Variants in CFAP99 observed in about 807,000 individuals in gnomAD.
The protein encoded by CFAP99 is cilia- and flagella-associated protein 99.
In CFAP99, 84 loss-of-function variants were observed where a neutral mutation model predicts 82.7. That is an observed-to-expected ratio of 1.02 (90% CI 0.85 to 1.22). CFAP99 has a LOEUF of 1.22. Among genes scored for constraint, CFAP99 ranks in the 50% most tolerant of loss-of-function variants. The pLI is 0.00. For missense variants in CFAP99, 1,059 were observed against 983.5 expected (o/e 1.08, Z -1.03); for synonymous variants, 456 against 429.5 (o/e 1.06, Z -0.76).
Position 2,448,026 on chromosome 4 carries a change from T to G in CFAP99, c.643-1644T>G, listed in dbSNP as rs1390880894. Among the ~76,000 whole-genome samples, 1 of 151,118 alleles carries G rather than the reference T, an allele frequency of 6.6e-6. No individual in the cohort carries two copies. Among genetic ancestry groups the G allele is most frequent in the Non-Finnish European group, 1.5e-5 (1 of 67,804 alleles). On this transcript the variant is annotated intron_variant, in intron 6 of 14. Coordinates refer to ENST00000635017, the Ensembl canonical transcript of CFAP99. This position sits in a 1 kb window ranked among gnomAD's most constrained non-coding sequence, Gnocchi z 5.2. ...ATGGATGGATAAGTGGATGAATGGA[T>G]GGATGGATGGATGGATGATCAGAGG...
intron 11 of CFAP99, among the ~76,000 whole-genome samples, chr4:2,455,239 T>C (rs1350477061): frequency 1.3e-5 from 2 of 152,280 alleles, no homozygotes; most frequent in Non-Finnish European, 2.9e-5. Flanking sequence ...TCCTTTATAA[T>C]AGATTGTTGC....
In CFAP99 at chr4:2,459,745, C is replaced by T. The variant is rs553301900; in HGVS notation, c.1456-292C>T. On this transcript the variant is annotated intron_variant, in intron 13 of 14. Coordinates refer to ENST00000635017, the Ensembl canonical transcript of CFAP99. The stretch of plus-strand genomic sequence containing the variant: ...GCCCCGAGGCCATGGGGAGTGCAAA[C>T]GGCTGTCTGCCCCAGGCCCCGAAGC... 7.9e-5 allele frequency among the ~76,000 whole-genome samples: 12 copies of T among 152,292 alleles called. 1 individual carries two copies. The highest frequency in any genetic ancestry group is 3.9e-4 in the Admixed American group (6 of 15,310).
exon 13 of CFAP99, chr4:2,459,168 G>A (rs1472514021): frequency 2.6e-6 from 4 of 1,535,584 alleles, no homozygotes; most frequent in Non-Finnish European, 3.5e-6. Context: ...CAGCCCAGGA[G>A]GAGCAGCGGC....
intron 14 of CFAP99, among the ~76,000 whole-genome samples, chr4:2,461,908 C>T (rs779495984): frequency 1.1e-4 from 16 of 151,804 alleles, no homozygotes; most frequent in East Asian, 1.9e-4. Context: ...CAGAAGAGTG[C>T]GAGGTCAAAG....
intron 6 of CFAP99, among the ~76,000 whole-genome samples, chr4:2,445,611 C>T (rs1441851543): frequency 6.6e-6 from 1 of 152,154 alleles, no homozygotes; most frequent in Non-Finnish European, 1.5e-5. Flanking sequence ...GCTTGGAGCC[C>T]ACTTTTAACT....
chr4:2,445,355 T>G (rs1578475444), intron 6 of CFAP99, 47 bp downstream of exon 6: 1 of 1,280,482 alleles, frequency 7.8e-7, no homozygotes, highest in Non-Finnish European at 9.9e-7. Flanking sequence ...GGCATCAGGG[T>G]AGCCAAGCTG....
chr4:2,462,938 C>A lies in CFAP99; in HGVS notation c.*12C>A. On this transcript the variant is annotated 3_prime_UTR_variant, in exon 15 of 15. Transcript: ENST00000635017. The surrounding 1 kb of genome is among the most constrained non-coding windows in gnomAD (Gnocchi z 4.1). The stretch of plus-strand genomic sequence containing the variant: ...TGGAGGCCGCCTGAGCCGGGCCGAG[C>A]GCGCCCCACCCGCTTGCGGGCCACC... 2.4e-6 allele frequency: 3 copies of A among 1,267,328 alleles called. No individual in the cohort carries two copies. The highest frequency in any genetic ancestry group is 1.6e-5 in the African/African-American group (1 of 63,928). The allele number at this position is 1,267,328 out of a possible 1,614,324, so 78.5% of individuals were successfully genotyped here.
At chr4:2,443,006 G>C (rs1176530343) in intron 4 of CFAP99, 124 bp from the exon 5 acceptor site, 2 of 380,032 alleles carry the variant, frequency 5.3e-6, no homozygotes, top group Non-Finnish European at 4.7e-6. Context: ...GGGGGCCTTG[G>C]GGGGAGCCAC....
At chr4:2,431,396 C>G (rs1343190577) in intron 2 of CFAP99, among the ~76,000 whole-genome samples, 2 of 151,970 alleles carry the variant, frequency 1.3e-5, no homozygotes, top group Non-Finnish European at 2.9e-5. Flanking sequence ...AATTCTAACC[C>G]CTGGTTACTT....
chr4:2,436,368 A>C (rs1733906994), intron 2 of CFAP99, among the ~76,000 whole-genome samples: 1 of 152,186 alleles, frequency 6.6e-6, no homozygotes, highest in Non-Finnish European at 1.5e-5. Flanking sequence ...TGAAAATATT[A>C]TTGTGGTAAA....
chr4:2,429,661 T>A (rs541860524), intron 2 of CFAP99, among the ~76,000 whole-genome samples: 1 of 151,540 alleles, frequency 6.6e-6, no homozygotes, highest in Non-Finnish European at 1.5e-5. Flanking sequence ...GCGCCATCTC[T>A]GCTCACTGCA....
At position 2,462,570 on chromosome 4, in the gene CFAP99, G is replaced by T; in HGVS notation, c.1789G>T (p.Val597Leu). 3 of 1,437,524 alleles carry T rather than the reference G, an allele frequency of 2.1e-6. No homozygotes were observed. The highest frequency in any genetic ancestry group is 9.1e-7 in the Non-Finnish European group (1 of 1,099,220). 89.0% of individuals were successfully genotyped at this position (1,437,524 alleles called of 1,614,324 possible). A position where few individuals can be genotyped will look rare whatever the true frequency, so the allele number is the denominator to read the frequency against. The change falls in exon 15 of 15, where the codon GTG (valine) becomes TTG (leucine). Residue 597 changes from valine to leucine, a missense_variant. Physicochemically the swap from Val to Leu is conservative, Grantham distance 32. Transcript: ENST00000635017. The surrounding 1 kb of genome is among the most constrained non-coding windows in gnomAD (Gnocchi z 4.1). ...CAGCAGGCAGGCGGCCTTGCTGCAC[G>T]TGTCGGCGCCGCGGACCGCGCGCCC...
intron 11 of CFAP99, among the ~76,000 whole-genome samples, chr4:2,455,743 T>C (rs1022044686): frequency 6.6e-6 from 1 of 152,166 alleles, no homozygotes; most frequent in Non-Finnish European, 1.5e-5. Context: ...GGATTCTCAG[T>C]CTTCTCTACT....
chr4:2,449,916 G>T lies in CFAP99; in HGVS notation c.724-18G>T. 9 of 1,536,088 alleles carry T rather than the reference G, an allele frequency of 5.9e-6. No homozygotes were observed. The highest frequency in any genetic ancestry group is 7.8e-6 in the Non-Finnish European group (9 of 1,146,820). ...GGCAGAGGCTGGTGGGACTGGAGCCGCTGTGTCACTGTGGCAGGAGCTGCT... is the reference window on the plus strand; with the variant it reads ...GGCAGAGGCTGGTGGGACTGGAGCCTCTGTGTCACTGTGGCAGGAGCTGCT... On this transcript the variant is annotated intron_variant, in intron 7 of 14. Transcript: ENST00000635017.
At chr4:2,443,353 T>C in intron 5 of CFAP99, 111 bp downstream of exon 5, 1 of 687,724 alleles carries the variant, frequency 1.5e-6, no homozygotes, top group Non-Finnish European at 2.6e-6. Flanking sequence ...AGAAGCTCTA[T>C]GAGTGTCAGT....
chr4:2,450,145 C>T, intron 8 of CFAP99, 140 bp downstream of exon 8: 1 of 851,186 alleles, frequency 1.2e-6, no homozygotes, highest in Non-Finnish European at 1.9e-6. Context: ...TTCCCAGTAG[C>T]ACTGGGAAAG....
chr4:2,453,812 C>A (rs1168722091), intron 11 of CFAP99, among the ~76,000 whole-genome samples: 1 of 139,468 alleles, frequency 7.2e-6, no homozygotes, highest in East Asian at 2.1e-4. Context: ...TGATATATAA[C>A]ATGATTTTTT....
At chr4:2,459,449 C>G (rs919212463) in intron 13 of CFAP99, among the ~76,000 whole-genome samples, 191 bp downstream of exon 13, 1 of 152,234 alleles carries the variant, frequency 6.6e-6, no homozygotes, top group East Asian at 1.9e-4. Context: ...GTTCACAAGC[C>G]TGCGGGCAAG....
chr4:2,460,381 G>A, intron 14 of CFAP99, 139 bp downstream of exon 14: 1 of 728,718 alleles, frequency 1.4e-6, no homozygotes, highest in Non-Finnish European at 2.3e-6. Flanking sequence ...TAACTCCCCT[G>A]ACCCCTATTA....
Sources: gnomAD v4.1 joint callset for allele counts (sites outside exome capture counted in the v4.1 genomes callset) on GRCh38, gnomAD v4.1.1 for gene constraint, Gnocchi (gnomAD v3.1) non-coding constraint, MANE v1.5 for transcripts, NCBI Gene and HGNC (gene_info 2026-07-23, HGNC 2026-07-21) for gene names.